Variants in ARHGEF6 observed in about 807,000 individuals in gnomAD.
ARHGEF6 encodes Rac/Cdc42 guanine nucleotide exchange factor 6.
ARHGEF6 carries 9 observed loss-of-function variants against 70.3 expected under a neutral mutation model. The observed-to-expected ratio is 0.13, with a 90% CI of 0.08 to 0.22. The LOEUF (loss-of-function observed/expected upper bound fraction) is 0.22. ARHGEF6 is among the 10% of genes least tolerant of loss of function. The pLI, the probability that ARHGEF6 is intolerant of heterozygous loss-of-function variation, is 1.00. For synonymous variants in ARHGEF6, 201 were observed against 207.8 expected, an observed-to-expected ratio of 0.97 and a Z score of 0.28; for missense variants, 470 against 563.0, an observed-to-expected ratio of 0.83 and a Z score of 1.67.
At chrX:136,753,020 C>T (rs191873054) in intron 2 of ARHGEF6, among the ~76,000 whole-genome samples, 1,519 of 111,853 alleles carry the variant, frequency 0.014, 17 homozygotes, top group Middle Eastern at 0.023. Context: ...GCCCTGTGAA[C>T]GTGATCTGGG....
At chrX:136,749,608 A>G (rs910161055) in intron 2 of ARHGEF6, among the ~76,000 whole-genome samples, 1 of 112,221 alleles carries the variant, frequency 8.9e-6, no homozygotes, top group Non-Finnish European at 1.9e-5. Flanking sequence ...TACTTGACTG[A>G]TTTTGAAAAT....
Position 136,679,771 on chromosome X carries a change from A to G in ARHGEF6, c.1705-111T>C. On this transcript the variant is annotated intron_variant, in intron 15 of 21. Coordinates refer to ENST00000250617, the MANE Select transcript of ARHGEF6 (RefSeq NM_004840.3). ...TTGGATTAGCAAAGACAGCCATAGA[A>G]AGGGATAGATGGAAAAACAAAAGTC... is the stretch of plus-strand genomic sequence containing the variant. 8.0e-6 allele frequency: 8 copies of G among 998,577 alleles called. No individual in the cohort carries two copies. The South Asian group carries it at 1.2e-4, about 15-fold the overall frequency. 82.3% of individuals were successfully genotyped at this position (998,577 alleles called of 1,213,427 possible).
chrX:136,720,662 T>C (rs1463470464), intron 6 of ARHGEF6, among the ~76,000 whole-genome samples: 2 of 110,900 alleles, frequency 1.8e-5, no homozygotes, highest in East Asian at 2.8e-4. Flanking sequence ...TCCTAGCTAA[T>C]GCAATAAGAA....
chrX:136,754,168 C>T lies in ARHGEF6; in HGVS notation c.250-6576G>A, dbSNP rs186104840. 2.2e-3 allele frequency among the ~76,000 whole-genome samples: 242 copies of T among 111,780 alleles called. 1 individual carries two copies. Among genetic ancestry groups the T allele is most frequent in the Admixed American group, 0.021 (225 of 10,510 alleles). On this transcript the variant is annotated intron_variant, in intron 2 of 21. Transcript: ENST00000250617. ...TGTTAGCACTCCTATAGGGGAGAAC[C>T]CCTTTCTCTATAACAGAGACTTTAG...
Position 136,713,350 on chromosome X carries a change from G to A in ARHGEF6, c.753C>T (p.Asp251=). The A allele has an allele frequency of 8.3e-7, 1 of 1,204,222 alleles. No individual in the cohort carries two copies. Among genetic ancestry groups the A allele is most frequent in the South Asian group, 1.8e-5 (1 of 56,825 alleles). Residue 251 remains aspartate (D), a synonymous_variant, in exon 7 of 22, where the codon GAC becomes GAT. Transcript: ENST00000250617. ...YYTVVLQNIL[D]TEKEYAKELQ... ...GTTCTTTAGCATATTCTTTTTCAGT[G>A]TCCAGGATGTTCTGTAACACCTATG...
At position 136,777,761 on chromosome X, in the gene ARHGEF6, T is replaced by TACACACAC. The variant is rs376800070; in HGVS notation, c.249+1645_249+1652dup. Among the ~76,000 whole-genome samples, 750 of 98,286 alleles carry TACACACAC rather than the reference T, an allele frequency of 7.6e-3. 5 individuals are homozygous for TACACACAC. Among genetic ancestry groups the TACACACAC allele is most frequent in the East Asian group, 0.027 (88 of 3,219 alleles). 85.3% of individuals were successfully genotyped at this position (98,286 alleles called of 115,157 possible). A position where few individuals can be genotyped will look rare whatever the true frequency, so the allele number is the denominator to read the frequency against. ...TATACATATATATAATATGTATACA[T>TACACACAC]ACACACACACACACACACACACACA... is the stretch of plus-strand genomic sequence containing the variant. On this transcript the variant is annotated intron_variant, in intron 2 of 21. Transcript: ENST00000250617.
intron 5 of ARHGEF6, among the ~76,000 whole-genome samples, chrX:136,741,806 C>T (rs2077045433): frequency 9.0e-6 from 1 of 111,693 alleles, no homozygotes; most frequent in African/African-American, 3.3e-5. Context: ...TCACATATTT[C>T]CCTCTTGATG....
intron 5 of ARHGEF6, among the ~76,000 whole-genome samples, chrX:136,738,898 T>C (rs900812967): frequency 8.9e-6 from 1 of 112,173 alleles, no homozygotes; most frequent in African/African-American, 3.2e-5. Flanking sequence ...TCCTCCCCAC[T>C]ATCCCCAGAG....
rs1017941774 is a variant in ARHGEF6, at chrX:136,672,033, T to G, written c.2122A>C (p.Ile708Leu). Residue 708 changes from isoleucine to leucine, a missense_variant, in exon 20 of 22, where the codon ATC becomes CTC. By Grantham distance (5) the Ile-to-Leu change is conservative. Transcript: ENST00000250617. Reference sequence around the variant, plus strand: ...TGCTCTACTCACTTTTCTTCCATGATGGTCTGGCCGTTGCTTCTGGTTTCT... The same window carrying G: ...TGCTCTACTCACTTTTCTTCCATGAGGGTCTGGCCGTTGCTTCTGGTTTCT... Reference protein sequence around the residue: ...IEETRSNGQTIMEEKSLVDTV... With the variant: ...IEETRSNGQTLMEEKSLVDTV... 7.5e-6 allele frequency: 9 copies of G among 1,206,746 alleles called. No homozygotes were observed. Among genetic ancestry groups the G allele is most frequent in the Non-Finnish European group, 1.0e-5 (9 of 892,082 alleles).
At chrX:136,707,577 T>C (rs770980378) in intron 8 of ARHGEF6, among the ~76,000 whole-genome samples, 1 of 112,407 alleles carries the variant, frequency 8.9e-6, no homozygotes, top group Non-Finnish European at 1.9e-5. Flanking sequence ...ACTCTAAAAA[T>C]GTTGACATGT....
intron 5 of ARHGEF6, among the ~76,000 whole-genome samples, chrX:136,742,037 G>A (rs1345345798): frequency 3.6e-5 from 4 of 112,155 alleles, no homozygotes; most frequent in Non-Finnish European, 7.5e-5. Flanking sequence ...AGAGTCAACT[G>A]TAGCCAGGCG....
intron 11 of ARHGEF6, 85 bp from the exon 12 acceptor site, chrX:136,685,908 C>A: frequency 2.9e-6 from 3 of 1,042,374 alleles, no homozygotes; most frequent in Non-Finnish European, 4.0e-6. Context: ...TGGCTTCTGA[C>A]TCTTTGGTTC....
In ARHGEF6 at chrX:136,679,516, C is replaced by A. The variant is rs1489050250; in HGVS notation, c.1830+19G>T. Reference sequence around the variant, plus strand: ...ATTAACTTGTCAGAAGCATTTTATACCATAGGTAGCAAAATTACCTCTTTA... The same window carrying A: ...ATTAACTTGTCAGAAGCATTTTATAACATAGGTAGCAAAATTACCTCTTTA... On this transcript the variant is annotated intron_variant, in intron 16 of 21. Transcript: ENST00000250617. 1 of 1,208,111 alleles carries A rather than the reference C, an allele frequency of 8.3e-7. No individual in the cohort carries two copies. The highest frequency in any genetic ancestry group is 1.1e-6 in the Non-Finnish European group (1 of 893,428).
chrX:136,701,496 T>C (rs1318369015), intron 9 of ARHGEF6, among the ~76,000 whole-genome samples: 1 of 110,739 alleles, frequency 9.0e-6, no homozygotes, highest in Non-Finnish European at 1.9e-5. Context: ...AGGAAAAAAA[T>C]GACAACCTAG....
chrX:136,745,322 T>C lies in ARHGEF6; in HGVS notation c.360A>G (p.Gly120=). The change falls in exon 4 of 22, where the codon GGA becomes GGG. Residue 120 remains glycine, a synonymous_variant. Transcript: ENST00000250617. ...TAGCAGCACTAAGAGAAGAGGAACG[T>C]CCACATGGTCTTTCTGATAGCTGAT... ...TEDQLSERPC[G]RSSSLSAANT... 1 of 1,211,479 alleles carries C rather than the reference T, an allele frequency of 8.3e-7. No homozygotes were observed.
intron 21 of ARHGEF6, among the ~76,000 whole-genome samples, chrX:136,668,524 C>CTTATTATTATTATTA (rs1483563492): frequency 3.0e-5 from 3 of 99,773 alleles, no homozygotes; most frequent in African/African-American, 1.2e-4. Context: ...TCTTCTTCTT[C>CTTATTATTATTATTA]TTCTTCTTCT....
rs2076286810 is a variant in ARHGEF6 at position 136,676,911 on chromosome X, CATT to C, written c.1852-197_1852-195del. The C allele has an allele frequency of 4.3e-5, 18 of 418,029 alleles. No individual in the cohort carries two copies. In the East Asian group the frequency reaches 6.9e-4, roughly 16 times the overall value. 34.5% of individuals were successfully genotyped at this position (418,029 alleles called of 1,213,427 possible). A position where few individuals can be genotyped will look rare whatever the true frequency, so the allele number is the denominator to read the frequency against. ...AGGTTAAATAAAACAGAGGCAATGACATTATCCTCTCAACTTGCACAGAGGTGG... is the reference window on the plus strand; with the variant it reads ...AGGTTAAATAAAACAGAGGCAATGACATCCTCTCAACTTGCACAGAGGTGG... On this transcript the variant is annotated intron_variant, in intron 17 of 21. Coordinates refer to ENST00000250617, the MANE Select transcript of ARHGEF6 (RefSeq NM_004840.3).
At chrX:136,771,756 T>G (rs2077365249) in intron 2 of ARHGEF6, among the ~76,000 whole-genome samples, 1 of 111,867 alleles carries the variant, frequency 8.9e-6, no homozygotes, top group Non-Finnish European at 1.9e-5. Flanking sequence ...GGACAGGCAA[T>G]AACAAATGCT....
intron 2 of ARHGEF6, among the ~76,000 whole-genome samples, chrX:136,766,384 GT>G (rs750470948): frequency 3.3e-4 from 30 of 91,357 alleles, no homozygotes; most frequent in African/African-American, 1.0e-3. Flanking sequence ...ATTTTGTGAG[GT>G]TTTTTTTGGG....
Sources: allele counts gnomAD v4.1 joint callset (sites outside exome capture counted in the v4.1 genomes callset), GRCh38; gene constraint gnomAD v4.1.1; transcripts MANE v1.5; gene names NCBI Gene and HGNC (gene_info 2026-07-23, HGNC 2026-07-21).